SLC44A5: variants seen among roughly 807,000 people sequenced by gnomAD.
SLC44A5 encodes the protein solute carrier family 44 member 5.
SLC44A5 carries 57 observed loss-of-function variants against 101.8 expected under a neutral mutation model. The observed-to-expected ratio is 0.56, with a 90% CI of 0.45 to 0.70. The LOEUF is 0.70. SLC44A5 is among the 30% of genes least tolerant of loss of function. The pLI is 0.00. For synonymous variants in SLC44A5, 281 were observed against 290.9 expected (o/e 0.97, Z 0.35); for missense variants, 737 against 853.1 (o/e 0.86, Z 1.70).
intron 1 of SLC44A5, among the ~76,000 whole-genome samples, chr1:75,563,994 G>C (rs1169202913): frequency 1.3e-5 from 2 of 152,032 alleles, no homozygotes; most frequent in Non-Finnish European, 2.9e-5. Context: ...CTAGCATGTA[G>C]GAAAAAAGAA....
intron 2 of SLC44A5, among the ~76,000 whole-genome samples, chr1:75,410,756 G>A (rs1663221920): frequency 1.3e-5 from 2 of 152,082 alleles, no homozygotes; most frequent in Admixed American, 6.6e-5. Flanking sequence ...TTGTTTTGGG[G>A]GAGGGAGTTT....
chr1:75,290,809 G>A (rs541678129), intron 5 of SLC44A5, among the ~76,000 whole-genome samples: 8 of 152,020 alleles, frequency 5.3e-5, no homozygotes, highest in African/African-American at 1.7e-4. Context: ...TTAAAGAGTG[G>A]GACTTCAGAT....
At chr1:75,341,418 G>A (rs1208717575) in intron 3 of SLC44A5, among the ~76,000 whole-genome samples, 1 of 152,068 alleles carries the variant, frequency 6.6e-6, no homozygotes, top group Non-Finnish European at 1.5e-5. Flanking sequence ...GGAGGCGGAC[G>A]TTGCAGTGAG....
At chr1:75,396,347 C>A (rs1366832482) in intron 3 of SLC44A5, among the ~76,000 whole-genome samples, 2 of 152,048 alleles carry the variant, frequency 1.3e-5, no homozygotes, top group African/African-American at 4.8e-5. Context: ...GATAAAGCAT[C>A]AGTAGCTGCA....
At chr1:75,532,775 C>T (rs970610349) in intron 2 of SLC44A5, among the ~76,000 whole-genome samples, 19 of 152,100 alleles carry the variant, frequency 1.2e-4, no homozygotes. Context: ...TGTGGTGGCT[C>T]ATGCCTGTAA....
intron 3 of SLC44A5, among the ~76,000 whole-genome samples, chr1:75,390,128 C>T (rs920593582): frequency 6.6e-6 from 1 of 151,938 alleles, no homozygotes; most frequent in African/African-American, 2.4e-5. Flanking sequence ...AAACACTGAA[C>T]AGGCCAATAA....
In SLC44A5 at chr1:75,203,780, G is replaced by C; in HGVS notation, c.2101C>G (p.Gln701Glu). 1 of 1,550,080 alleles carries C rather than the reference G, an allele frequency of 6.5e-7. No homozygotes were observed. Among genetic ancestry groups the C allele is most frequent in the Non-Finnish European group, 8.7e-7 (1 of 1,146,236 alleles). The change falls in exon 24 of 24, where the codon CAA becomes GAA. Residue 701 changes from glutamine (Q) to glutamate (E), a missense_variant. Gln to Glu is a conservative substitution (Grantham distance 29). Transcript: ENST00000370859. ...TCCTGGAAAATCTTCAGCAAAGGTT[G>C]ACTCACATAATAAGGTCTTGCAGTA... is the stretch of plus-strand genomic sequence containing the variant. ...GSTARPYYVS[Q>E]PLLKIFQEEN...
At chr1:75,414,881 C>T (rs1663537077) in intron 2 of SLC44A5, among the ~76,000 whole-genome samples, 1 of 152,108 alleles carries the variant, frequency 6.6e-6, no homozygotes, top group South Asian at 2.1e-4. Flanking sequence ...TATGTGGGGC[C>T]TTGTAGGCTA....
At chr1:75,528,567 C>G (rs1670552161) in intron 2 of SLC44A5, among the ~76,000 whole-genome samples, 1 of 152,122 alleles carries the variant, frequency 6.6e-6, no homozygotes, top group Admixed American at 6.6e-5. Flanking sequence ...GTGCGACAGT[C>G]TCCTCATTTG....
intron 4 of SLC44A5, among the ~76,000 whole-genome samples, chr1:75,325,759 C>CGTGT (rs10538157): frequency 3.3e-5 from 5 of 150,216 alleles, no homozygotes; most frequent in Admixed American, 1.3e-4. Flanking sequence ...TGCATGCATG[C>CGTGT]GTGTGTGTGT....
At chr1:75,282,762 G>A (rs1175274743) in intron 5 of SLC44A5, among the ~76,000 whole-genome samples, 1 of 152,056 alleles carries the variant, frequency 6.6e-6, no homozygotes. Flanking sequence ...TCTTCTTCCT[G>A]CCACCATGTG....
chr1:75,510,392 G>A lies in SLC44A5; in HGVS notation c.13+31043C>T, dbSNP rs536789237. 8.5e-5 allele frequency among the ~76,000 whole-genome samples: 13 copies of A among 152,196 alleles called. No individual in the cohort carries two copies. The South Asian group carries it at 2.3e-3, about 27-fold the overall frequency. On this transcript the variant is annotated intron_variant, in intron 2 of 23. Transcript: ENST00000370859. ...GATAAATTTCCAACTAGATTTAAGA[G>A]ATAAAAATTTATATGCCAGTGAAAA...
intron 2 of SLC44A5, among the ~76,000 whole-genome samples, chr1:75,534,668 T>G (rs1304828513): frequency 7.2e-5 from 11 of 152,212 alleles, no homozygotes; most frequent in Admixed American, 7.2e-4. Flanking sequence ...AGGAAAATAG[T>G]CCTCATTAAT....
At chr1:75,589,846 C>T (rs1179338375) in intron 1 of SLC44A5, among the ~76,000 whole-genome samples, 1 of 152,086 alleles carries the variant, frequency 6.6e-6, no homozygotes, top group African/African-American at 2.4e-5. Context: ...GCTGATGCCC[C>T]CTGCAGAGAG....
chr1:75,293,948 T>C (rs1653767021), intron 5 of SLC44A5, among the ~76,000 whole-genome samples: 1 of 152,218 alleles, frequency 6.6e-6, no homozygotes, highest in Non-Finnish European at 1.5e-5. Flanking sequence ...TAATTTAATT[T>C]GTAAATATTT....
intron 2 of SLC44A5, among the ~76,000 whole-genome samples, chr1:75,531,124 T>A (rs1384036872): frequency 2.0e-5 from 3 of 152,130 alleles, no homozygotes; most frequent in Admixed American, 6.6e-5. Flanking sequence ...GAGCAATAAA[T>A]GTAGAAGCAG....
At chr1:75,389,521 T>C (rs1557733952) in intron 3 of SLC44A5, among the ~76,000 whole-genome samples, 2 of 152,152 alleles carry the variant, frequency 1.3e-5, no homozygotes, top group Non-Finnish European at 2.9e-5. Context: ...CAAGAGGATT[T>C]CTCAAAACCA....
intron 1 of SLC44A5, among the ~76,000 whole-genome samples, chr1:75,590,933 A>T (rs555558525): frequency 1.3e-5 from 2 of 152,260 alleles, no homozygotes; most frequent in East Asian, 3.9e-4. Flanking sequence ...TTAGAGCCCC[A>T]GGGCCTTGAG....
chr1:75,213,443 G>A (rs1646897677), intron 22 of SLC44A5, among the ~76,000 whole-genome samples: 1 of 152,150 alleles, frequency 6.6e-6, no homozygotes, highest in South Asian at 2.1e-4. Context: ...GAGGTGATTA[G>A]GTCAGGAGGA....
Sources: gnomAD v4.1 joint callset for allele counts (sites outside exome capture counted in the v4.1 genomes callset) on GRCh38, gnomAD v4.1.1 for gene constraint, MANE v1.5 for transcripts, NCBI Gene and HGNC (gene_info 2026-07-23, HGNC 2026-07-21) for gene names.